Variants in LAG3 observed in about 807,000 individuals in gnomAD.
LAG3 encodes lymphocyte activating 3.
LAG3 carries 29 observed loss-of-function variants against 49.0 expected under a neutral mutation model. The ratio of observed to expected loss-of-function variants is 0.59; its 90% CI spans 0.44 to 0.81. The LOEUF is 0.81. Ranked by LOEUF, LAG3 falls within the 30% of genes least tolerant of loss-of-function variation. LAG3 has a pLI of 0.00. For missense variants in LAG3, 693 were observed against 695.2 expected (o/e 1.00, Z 0.04); for synonymous variants, 320 against 297.3 (o/e 1.08, Z -0.79).
chr12:6,775,156 AG>A lies in LAG3; in HGVS notation c.782-116del, dbSNP rs1221388119. The A allele has an allele frequency of 3.1e-5, 36 of 1,164,464 alleles. No individual in the cohort carries two copies. The East Asian group carries it at 5.9e-4, about 19-fold the overall frequency. 72.1% of individuals were successfully genotyped at this position (1,164,464 alleles called of 1,614,324 possible). On this transcript the variant is annotated intron_variant, in intron 4 of 7. Coordinates refer to ENST00000203629, the MANE Select transcript of LAG3 (RefSeq NM_002286.6). ...AGCTCATCACCTTATTCTGCTCCTT[AG>A]CACTCTTATGAGCCAGACCATCTCC...
At chr12:6,776,315 C>G (rs1383949879) in intron 5 of LAG3, among the ~76,000 whole-genome samples, 1 of 152,166 alleles carries the variant, frequency 6.6e-6, no homozygotes, top group African/African-American at 2.4e-5. Flanking sequence ...GCTGACTCAG[C>G]CTGTCAGTAA....
Position 6,772,847 on chromosome 12 carries a change from G to C in LAG3, c.-6G>C. The stretch of plus-strand genomic sequence containing the variant: ...AGGGCTCAGCGCTGCCCAGACCATA[G>C]GAGAGATGTGGGAGGCTCAGTTCCT... On this transcript the variant is annotated 5_prime_UTR_variant, in exon 1 of 8. Coordinates refer to ENST00000203629, the MANE Select transcript of LAG3 (RefSeq NM_002286.6). The C allele has an allele frequency of 6.2e-7, 1 of 1,610,480 alleles. No individual in the cohort carries two copies. Among genetic ancestry groups the C allele is most frequent in the Non-Finnish European group, 8.5e-7 (1 of 1,179,426 alleles).
chr12:6,777,193 T>G lies in LAG3; in HGVS notation c.1058-71T>G, dbSNP rs144947885. 6.7e-4 allele frequency: 1,062 copies of G among 1,585,654 alleles called. 11 individuals are homozygous for G. In the African/African-American group the frequency reaches 0.012, roughly 18 times the overall value. ...AAGTGAGTGCAGGGTGATTGAGACT[T>G]GGGGTTCAACCTGTGATATCACGTA... On this transcript the variant is annotated intron_variant, in intron 5 of 7. Coordinates refer to ENST00000203629, the MANE Select transcript of LAG3 (RefSeq NM_002286.6).
At chr12:6,774,479 G>C in intron 3 of LAG3, 116 bp from the exon 4 acceptor site, 2 of 1,171,604 alleles carry the variant, frequency 1.7e-6, no homozygotes, top group Non-Finnish European at 2.4e-6. Flanking sequence ...ATGTGGGAGA[G>C]GAGAAGACAA....
intron 4 of LAG3, 57 bp downstream of exon 4, chr12:6,774,921 A>G: frequency 6.5e-7 from 1 of 1,527,834 alleles, no homozygotes. Context: ...CCCCCTTGTC[A>G]CCTCCCCTAA....
Position 6,773,918 on chromosome 12 carries a change from A to G in LAG3, c.428A>G (p.Asp143Gly), listed in dbSNP as rs1941873381. 3 of 1,381,824 alleles carry G rather than the reference A, an allele frequency of 2.2e-6. No individual in the cohort carries two copies. The highest frequency in any genetic ancestry group is 3.0e-5 in the African/African-American group (2 of 65,672). The allele number at this position is 1,381,824 out of a possible 1,614,324, so 85.6% of individuals were successfully genotyped here. ...SLWLRPARRA[D>G]AGEYRAAVHL... Reference sequence around the variant, plus strand: ...TGGCTGCGCCCAGCCCGGCGCGCGGACGCCGGCGAGTACCGCGCCGCGGTG... The same window carrying G: ...TGGCTGCGCCCAGCCCGGCGCGCGGGCGCCGGCGAGTACCGCGCCGCGGTG... The change falls in exon 3 of 8, where the codon GAC becomes GGC. Residue 143 changes from aspartate to glycine, a missense_variant. Transcript: ENST00000203629. This position sits in a 1 kb window ranked among gnomAD's most constrained non-coding sequence, Gnocchi z 5.5.
Position 6,773,736 on chromosome 12 carries a change from C to T in LAG3, c.246C>T (p.Pro82=), listed in dbSNP as rs753788377. The change falls in exon 3 of 8, where the codon CCC becomes CCT. Residue 82 remains proline, a synonymous_variant. Transcript: ENST00000203629. This position sits in a 1 kb window ranked among gnomAD's most constrained non-coding sequence, Gnocchi z 5.5. ...PAAAPGHPLA[P]GPHPAAPSSW... Reference sequence around the variant, plus strand: ...CCGCCCCCGGCCATCCCCTGGCCCCCGGCCCTCACCCGGCGGCGCCCTCCT... The same window carrying T: ...CCGCCCCCGGCCATCCCCTGGCCCCTGGCCCTCACCCGGCGGCGCCCTCCT... 2 of 1,334,822 alleles carry T rather than the reference C, an allele frequency of 1.5e-6. No individual in the cohort carries two copies. The highest frequency in any genetic ancestry group is 3.0e-5 in the East Asian group (1 of 32,976). The allele number at this position is 1,334,822 out of a possible 1,614,324, so 82.7% of individuals were successfully genotyped here. A position where few individuals can be genotyped will look rare whatever the true frequency, so the allele number is the denominator to read the frequency against.
chr12:6,774,081 G>A (rs919182689), intron 3 of LAG3, 80 bp downstream of exon 3: 6 of 1,363,222 alleles, frequency 4.4e-6, no homozygotes, highest in South Asian at 1.7e-5. Context: ...GAAGGGCTGG[G>A]GCAGAGGCTG....
chr12:6,774,487 C>A (rs1941881590), intron 3 of LAG3, 108 bp from the exon 4 acceptor site: 9 of 1,272,034 alleles, frequency 7.1e-6, no homozygotes, highest in South Asian at 1.4e-5. Context: ...GAGGAGAAGA[C>A]AAGTCTAAAG....
In LAG3 at chr12:6,777,800, G is replaced by A. The variant is rs768238314; in HGVS notation, c.1310G>A (p.Arg437His). Residue 437 changes from arginine (R) to histidine (H), a missense_variant, in exon 7 of 8, where the codon CGC becomes CAC. By Grantham distance (29) the Arg-to-His change is conservative (BLOSUM62 0). Coordinates refer to ENST00000203629, the MANE Select transcript of LAG3 (RefSeq NM_002286.6). Reference sequence around the variant, plus strand: ...TGTACTTTCTCCATAGGTGCCCAACGCTCTGGGAGAGCCCCAGGTGCCCTC... The same window carrying A: ...TGTACTTTCTCCATAGGTGCCCAACACTCTGGGAGAGCCCCAGGTGCCCTC... ...FTELSSPGAQ[R>H]SGRAPGALPA... 1.2e-6 allele frequency: 2 copies of A among 1,613,734 alleles called. No individual in the cohort carries two copies. The highest frequency in any genetic ancestry group is 2.2e-5 in the East Asian group (1 of 44,878).
At position 6,778,336 on chromosome 12, in the gene LAG3, GGAGCCGGAGCCGGAACCGGAGCCC is replaced by G; in HGVS notation, c.1530_1553del (p.Glu511_Pro518del). 5 of 1,613,032 alleles carry G rather than the reference GGAGCCGGAGCCGGAACCGGAGCCC, an allele frequency of 3.1e-6. No individual in the cohort carries two copies. Among genetic ancestry groups the G allele is most frequent in the Non-Finnish European group, 4.2e-6 (5 of 1,179,712 alleles). ...AGGAGCTGGAGCAAGAACCGGAGCC[GGAGCCGGAGCCGGAACCGGAGCCC>G]GAGCCCGAGCCCGAGCCGGAGCAGC... On this transcript the variant is annotated inframe_deletion, in exon 8 of 8. Transcript: ENST00000203629.
At position 6,773,413 on chromosome 12, in the gene LAG3, C is replaced by A. The variant is rs1265797374; in HGVS notation, c.206+74C>A. ...CCCCACACCCGTGCCGGTCCTCTGT[C>A]CCCTGCCCTGAGGTGTCACTCCCTC... On this transcript the variant is annotated intron_variant, in intron 2 of 7. Transcript: ENST00000203629. The surrounding 1 kb of genome is among the most constrained non-coding windows in gnomAD (Gnocchi z 5.5). 7 of 1,548,574 alleles carry A rather than the reference C, an allele frequency of 4.5e-6. No homozygotes were observed. The highest frequency in any genetic ancestry group is 1.1e-5 in the South Asian group (1 of 88,388).
At chr12:6,774,481 A>G in intron 3 of LAG3, 114 bp from the exon 4 acceptor site, 1 of 1,189,756 alleles carries the variant, frequency 8.4e-7, no homozygotes, top group Non-Finnish European at 1.2e-6. Flanking sequence ...GTGGGAGAGG[A>G]GAAGACAAGT....
At chr12:6,776,222 T>G (rs952586679) in intron 5 of LAG3, among the ~76,000 whole-genome samples, 1 of 152,162 alleles carries the variant, frequency 6.6e-6, no homozygotes, top group Non-Finnish European at 1.5e-5. Flanking sequence ...TTCACTTGCT[T>G]TCTGGATACC....
At position 6,773,843 on chromosome 12, in the gene LAG3, C is replaced by T. The variant is rs1941872087; in HGVS notation, c.353C>T (p.Pro118Leu). 1 of 1,411,694 alleles carries T rather than the reference C, an allele frequency of 7.1e-7. No homozygotes were observed. The highest frequency in any genetic ancestry group is 1.5e-5 in the South Asian group (1 of 67,852). The allele number at this position is 1,411,694 out of a possible 1,614,324, so 87.4% of individuals were successfully genotyped here. The change falls in exon 3 of 8, where the codon CCC (proline) becomes CTC (leucine). Residue 118 changes from proline (P) to leucine (L), a missense_variant. By Grantham distance (98) the Pro-to-Leu change is moderately conservative. Transcript: ENST00000203629. The surrounding 1 kb of genome is among the most constrained non-coding windows in gnomAD (Gnocchi z 5.5). The stretch of plus-strand genomic sequence containing the variant: ...CGCAGCGGGAGGCTGCCCCTGCAGC[C>T]CCGCGTCCAGCTGGATGAGCGCGGC... ...GLRSGRLPLQ[P>L]RVQLDERGRQ...
At chr12:6,777,562 C>A in intron 6 of LAG3, 56 bp downstream of exon 6, 1 of 1,580,558 alleles carries the variant, frequency 6.3e-7, no homozygotes, top group South Asian at 1.1e-5. Context: ...CTTTATCCTC[C>A]TTCCAGAACA....
At chr12:6,776,639 A>G (rs1941909724) in intron 5 of LAG3, among the ~76,000 whole-genome samples, 1 of 152,060 alleles carries the variant, frequency 6.6e-6, no homozygotes, top group Non-Finnish European at 1.5e-5. Context: ...CTGTCTCTAG[A>G]TGAATGGGTC....
rs1941868389 is a variant in LAG3 at position 6,773,659 on chromosome 12, C to T, written c.207-38C>T. ...GCCTGCATCCTCCCGGGCTTCCTAC[C>T]CCTGGAGCTTCTCAACTCCATTCTC... On this transcript the variant is annotated intron_variant, in intron 2 of 7. Coordinates refer to ENST00000203629, the MANE Select transcript of LAG3 (RefSeq NM_002286.6). The surrounding 1 kb of genome is among the most constrained non-coding windows in gnomAD (Gnocchi z 5.5). 2 of 1,365,026 alleles carry T rather than the reference C, an allele frequency of 1.5e-6. No individual in the cohort carries two copies. The highest frequency in any genetic ancestry group is 1.9e-6 in the Non-Finnish European group (2 of 1,066,786). 84.6% of individuals were successfully genotyped at this position (1,365,026 alleles called of 1,614,324 possible).
In LAG3 at chr12:6,775,458, G is replaced by A. The variant is rs1394876070; in HGVS notation, c.967G>A (p.Val323Met). 2 of 1,614,154 alleles carry A rather than the reference G, an allele frequency of 1.2e-6. No homozygotes were observed. The highest frequency in any genetic ancestry group is 1.7e-5 in the Admixed American group (1 of 60,018). Residue 323 changes from valine to methionine, a missense_variant, in exon 5 of 8, where the codon GTG becomes ATG. Physicochemically the swap from Val to Met is conservative, Grantham distance 21. Coordinates refer to ENST00000203629, the MANE Select transcript of LAG3 (RefSeq NM_002286.6). ...CGACTTTACCCTTCGACTAGAGGATGTGAGCCAGGCCCAGGCTGGGACCTA... is the reference window on the plus strand; with the variant it reads ...CGACTTTACCCTTCGACTAGAGGATATGAGCCAGGCCCAGGCTGGGACCTA... Reference protein sequence around the residue: ...NGDFTLRLEDVSQAQAGTYTC... With the variant: ...NGDFTLRLEDMSQAQAGTYTC...
Sources: allele counts gnomAD v4.1 joint callset (sites outside exome capture counted in the v4.1 genomes callset), GRCh38; gene constraint gnomAD v4.1.1; non-coding constraint Gnocchi (gnomAD v3.1); transcripts MANE v1.5; gene names NCBI Gene and HGNC (gene_info 2026-07-23, HGNC 2026-07-21).